The following GPALPP1 variants were observed in gnomAD, a reference collection of about 807,000 sequenced individuals.
The protein encoded by GPALPP1 is GPALPP motifs-containing protein 1.
Under a neutral mutation model 38.9 loss-of-function variants are expected in GPALPP1, and 30 were observed. That is an observed-to-expected ratio of 0.77 (90% CI 0.58 to 1.05). GPALPP1 has a LOEUF of 1.05. Ranked by LOEUF, GPALPP1 falls within the 50% of genes least tolerant of loss-of-function variation. GPALPP1 has a pLI of 0.00. For synonymous variants in GPALPP1, 120 were observed against 139.2 expected, an observed-to-expected ratio of 0.86 and a Z score of 0.97; for missense variants, 384 against 408.8, an observed-to-expected ratio of 0.94 and a Z score of 0.52.
At chr13:45,004,503 G>T in intron 2 of GPALPP1, 66 bp downstream of exon 2, 1 of 1,067,296 alleles carries the variant, frequency 9.4e-7, no homozygotes, top group South Asian at 1.3e-5. Flanking sequence ...GGCTGGAACA[G>T]ATAGCTAGTA....
chr13:45,003,964 T>TTTG (rs1873881947), intron 1 of GPALPP1, among the ~76,000 whole-genome samples: 1 of 152,120 alleles, frequency 6.6e-6, no homozygotes, highest in East Asian at 1.9e-4. Context: ...TTGTTTGTTT[T>TTTG]TTTGTTTTTT....
rs1566076419 is a variant in GPALPP1 at position 45,006,206 on chromosome 13, C to T, written c.226C>T (p.Gln76Ter). ...EDDSGPTARK[Q>*]RKNQDDDDDD... Reference sequence around the variant, plus strand: ...GTTATACTACTATGTTTTCAGAAAACAGAGGAAAAATCAGGATGATGACGA... The same window carrying T: ...GTTATACTACTATGTTTTCAGAAAATAGAGGAAAAATCAGGATGATGACGA... The change falls in exon 3 of 8, where the codon CAG (glutamine) becomes TAG (stop). Residue 76 changes from glutamine to a stop codon, truncating the protein, a stop_gained. Transcript: ENST00000379151. LOFTEE classifies it high-confidence loss of function. 4 of 1,594,192 alleles carry T rather than the reference C, an allele frequency of 2.5e-6. No individual in the cohort carries two copies. Among genetic ancestry groups the T allele is most frequent in the Non-Finnish European group, 3.4e-6 (4 of 1,167,892 alleles).
At chr13:45,008,314 C>T (rs1380168721) in intron 3 of GPALPP1, among the ~76,000 whole-genome samples, 2 of 152,158 alleles carry the variant, frequency 1.3e-5, no homozygotes, top group East Asian at 3.8e-4. Flanking sequence ...GCATTGTCTG[C>T]ACATGCTATA....
intron 1 of GPALPP1, among the ~76,000 whole-genome samples, chr13:44,999,387 T>C (rs192561707): frequency 1.3e-5 from 2 of 152,304 alleles, no homozygotes; most frequent in East Asian, 3.9e-4. Context: ...ATCATTGCAA[T>C]AGGAGAGCCT....
intron 6 of GPALPP1, among the ~76,000 whole-genome samples, chr13:45,019,272 T>C (rs1875211218): frequency 6.6e-6 from 1 of 151,472 alleles, no homozygotes; most frequent in South Asian, 2.1e-4. Context: ...CTCAGCCTCC[T>C]GAATAGCTGG....
intron 1 of GPALPP1, among the ~76,000 whole-genome samples, chr13:44,996,803 T>TTTTTTTTTTTTTG (rs1873319068): frequency 6.8e-6 from 1 of 146,438 alleles, no homozygotes; most frequent in Non-Finnish European, 1.5e-5. Flanking sequence ...TTTTTTTTTT[T>TTTTTTTTTTTTTG]TTTTTTCCAG....
chr13:44,998,719 T>C (rs1386074391), intron 1 of GPALPP1, among the ~76,000 whole-genome samples: 1 of 152,202 alleles, frequency 6.6e-6, no homozygotes, highest in African/African-American at 2.4e-5. Context: ...CTGTAAAAGA[T>C]GGGTTGGGTG....
chr13:44,999,054 T>C (rs1384485207), intron 1 of GPALPP1, among the ~76,000 whole-genome samples: 1 of 152,218 alleles, frequency 6.6e-6, no homozygotes, highest in Non-Finnish European at 1.5e-5. Flanking sequence ...GAAGCAAACT[T>C]CACAAAATTT....
chr13:45,004,281 T>G (rs1291046591), intron 1 of GPALPP1, 24 bp from the exon 2 acceptor site: 4 of 1,603,862 alleles, frequency 2.5e-6, no homozygotes, highest in Non-Finnish European at 3.4e-6. Context: ...TGGCTAGTGA[T>G]GACAAACAAC....
exon 8 of GPALPP1, chr13:45,037,116 C>T (rs1054120387): frequency 1.3e-5 from 2 of 152,178 alleles, no homozygotes; most frequent in African/African-American, 4.8e-5. Flanking sequence ...TCTCTGATTA[C>T]TTACCGCTGT....
intron 6 of GPALPP1, among the ~76,000 whole-genome samples, chr13:45,016,453 C>CA (rs895241580): frequency 2.2e-4 from 32 of 147,562 alleles, no homozygotes; most frequent in African/African-American, 6.7e-4. Context: ...GACTCCATCT[C>CA]AAAAAAAAAC....
At chr13:45,009,889 T>A (rs577495883) in intron 4 of GPALPP1, among the ~76,000 whole-genome samples, 1 of 152,340 alleles carries the variant, frequency 6.6e-6, no homozygotes, top group African/African-American at 2.4e-5. Context: ...GCTCCCACCC[T>A]GGTCCAAATA....
At chr13:44,993,453 A>G (rs538774232) in intron 1 of GPALPP1, among the ~76,000 whole-genome samples, 3 of 152,142 alleles carry the variant, frequency 2.0e-5, no homozygotes, top group Non-Finnish European at 2.9e-5. Flanking sequence ...CCTGGCCAAC[A>G]TGGTGAAACC....
intron 4 of GPALPP1, among the ~76,000 whole-genome samples, chr13:45,012,696 T>C (rs553375809): frequency 5.3e-5 from 8 of 152,322 alleles, no homozygotes; most frequent in African/African-American, 1.9e-4. Context: ...GAGATTACAC[T>C]GTAGGTCCAT....
chr13:45,006,220 G>A lies in GPALPP1; in HGVS notation c.240G>A (p.Gln80=), dbSNP rs1874091156. ...TTTTCAGAAAACAGAGGAAAAATCA[G>A]GATGATGACGATGATGATGATGATG... ...GPTARKQRKN[Q]DDDDDDDDGF... Residue 80 remains glutamine (Q), a synonymous_variant, in exon 3 of 8, where the codon CAG becomes CAA. Coordinates refer to ENST00000379151, the MANE Select transcript of GPALPP1 (RefSeq NM_018559.5). 1 of 1,606,850 alleles carries A rather than the reference G, an allele frequency of 6.2e-7. No homozygotes were observed. Among genetic ancestry groups the A allele is most frequent in the Non-Finnish European group, 8.5e-7 (1 of 1,175,864 alleles).
downstream of GPALPP1, chr13:45,035,051 G>A (rs1425914340): frequency 6.7e-6 from 1 of 149,270 alleles, no homozygotes; most frequent in East Asian, 2.0e-4. Flanking sequence ...CCGCCTCTCG[G>A]GTTCACGCCA....
At chr13:45,006,753 G>A (rs573793198) in intron 3 of GPALPP1, among the ~76,000 whole-genome samples, 1 of 152,230 alleles carries the variant, frequency 6.6e-6, no homozygotes, top group East Asian at 1.9e-4. Flanking sequence ...TTTGTTATCT[G>A]TAAGCTAGGA....
intron 6 of GPALPP1, among the ~76,000 whole-genome samples, chr13:45,019,879 A>ATTTTTTTTTTTTTTT (rs34893767): frequency 3.5e-5 from 3 of 85,578 alleles, no homozygotes; most frequent in Non-Finnish European, 6.1e-5. Context: ...TAATATTTTG[A>ATTTTTTTTTTTTTTT]TTTTTTTTTT....
chr13:45,019,955 G>T (rs1369113401), intron 6 of GPALPP1, among the ~76,000 whole-genome samples: 2 of 144,274 alleles, frequency 1.4e-5, no homozygotes, highest in African/African-American at 5.2e-5. Context: ...AACGATTTCG[G>T]CTCACTGCAA....
Sources: gnomAD v4.1 joint callset for allele counts (sites outside exome capture counted in the v4.1 genomes callset) on GRCh38, gnomAD v4.1.1 for gene constraint, MANE v1.5 for transcripts, NCBI Gene and HGNC (gene_info 2026-07-23, HGNC 2026-07-21) for gene names.